MTOR: variants seen among roughly 807,000 people sequenced by gnomAD.
MTOR encodes mechanistic target of rapamycin kinase, also known as serine/threonine-protein kinase mTOR.
A neutral mutation model predicts 319.8 loss-of-function variants in MTOR; 70 were observed. That is an observed-to-expected ratio of 0.22 (90% CI 0.18 to 0.27). MTOR has a LOEUF of 0.27. Among genes scored for constraint, MTOR ranks in the 10% least tolerant of loss-of-function variants. The pLI is 1.00. For synonymous variants in MTOR, 1,183 were observed against 1,211.4 expected (o/e 0.98, Z 0.49); for missense variants, 1,890 against 3,274.4 (o/e 0.58, Z 10.32).
chr1:11,239,042 G>A (rs1047726820), intron 11 of MTOR, among the ~76,000 whole-genome samples: 1 of 151,784 alleles, frequency 6.6e-6, no homozygotes, highest in East Asian at 1.9e-4. Flanking sequence ...CCAAAGTGCT[G>A]GGATTATAGG....
intron 47 of MTOR, 79 bp from the exon 48 acceptor site, chr1:11,122,205 T>G (rs1282308309): frequency 1.4e-6 from 2 of 1,410,042 alleles, no homozygotes; most frequent in Non-Finnish European, 1.9e-6. Flanking sequence ...AGGCAGACTG[T>G]TTTTTTTTTC....
At chr1:11,205,513 C>T (rs1236404227) in intron 25 of MTOR, among the ~76,000 whole-genome samples, 1 of 152,216 alleles carries the variant, frequency 6.6e-6, no homozygotes, top group African/African-American at 2.4e-5. Context: ...GAATTTATAA[C>T]AGTGCTTGGC....
chr1:11,155,086 T>C (rs1024204766), intron 30 of MTOR, among the ~76,000 whole-genome samples: 1 of 152,204 alleles, frequency 6.6e-6, no homozygotes, highest in Non-Finnish European at 1.5e-5. Flanking sequence ...TGAAAGATCA[T>C]TCTTTTAGAA....
chr1:11,119,956 G>A (rs1165342694), intron 49 of MTOR, among the ~76,000 whole-genome samples: 2 of 150,530 alleles, frequency 1.3e-5, no homozygotes, highest in African/African-American at 2.4e-5. Context: ...TAGGCCGGGC[G>A]TGGTGGCTCA....
At chr1:11,259,527 G>A (rs1005105810) in intron 1 of MTOR, 104 bp from the exon 2 acceptor site, 1 of 1,293,086 alleles carries the variant, frequency 7.7e-7, no homozygotes, top group Non-Finnish European at 1.0e-6. Flanking sequence ...GCCCTTGTCA[G>A]GCAGGGGATT....
intron 24 of MTOR, 70 bp from the exon 25 acceptor site, chr1:11,209,528 A>C: frequency 6.3e-7 from 1 of 1,583,090 alleles, no homozygotes; most frequent in East Asian, 2.2e-5. Flanking sequence ...AATATCCTTA[A>C]ATTTTGGGAG....
intron 54 of MTOR, among the ~76,000 whole-genome samples, 191 bp downstream of exon 54, chr1:11,112,661 G>C (rs1029483559): frequency 7.2e-5 from 11 of 152,102 alleles, no homozygotes; most frequent in Non-Finnish European, 2.9e-5. Flanking sequence ...TGGACAAGGG[G>C]GAGAGCCTCT....
chr1:11,253,463 C>T (rs1336666765), intron 6 of MTOR, among the ~76,000 whole-genome samples: 1 of 152,138 alleles, frequency 6.6e-6, no homozygotes, highest in Non-Finnish European at 1.5e-5. Context: ...CCCTTGCTCC[C>T]GGTACACCAG....
At chr1:11,201,864 G>A (rs145265886) in intron 26 of MTOR, among the ~76,000 whole-genome samples, 1,749 of 152,210 alleles carry the variant, frequency 0.011, 23 homozygotes, top group Non-Finnish European at 0.014. Flanking sequence ...TGGAATGCAG[G>A]GGCACGATTG....
In MTOR at chr1:11,133,305, A is replaced by T. The variant is rs1028155156; in HGVS notation, c.5247-108T>A. ...TGAAGCCCTTCTGGTATTTCCTCTT[A>T]TTCTCAAGAGGCAATGTGAAGGAGC... On this transcript the variant is annotated intron_variant, in intron 37 of 57. Transcript: ENST00000361445. This position sits in a 1 kb window ranked among gnomAD's most constrained non-coding sequence, Gnocchi z 4.0. 1 of 986,560 alleles carries T rather than the reference A, an allele frequency of 1.0e-6. No individual in the cohort carries two copies. The highest frequency in any genetic ancestry group is 1.6e-6 in the Non-Finnish European group (1 of 640,984). The allele number at this position is 986,560 out of a possible 1,614,324, so 61.1% of individuals were successfully genotyped here.
At chr1:11,240,899 T>C (rs1647915656) in intron 10 of MTOR, among the ~76,000 whole-genome samples, 1 of 151,996 alleles carries the variant, frequency 6.6e-6, no homozygotes, top group South Asian at 2.1e-4. Context: ...AATAATAATA[T>C]ACACAATATT....
chr1:11,191,552 G>A (rs1045392311), intron 28 of MTOR, among the ~76,000 whole-genome samples: 1 of 152,040 alleles, frequency 6.6e-6, no homozygotes, highest in Non-Finnish European at 1.5e-5. Context: ...ATCAGAAAAG[G>A]CTGTCTCTTC....
chr1:11,163,097 A>G (rs1475806195), intron 29 of MTOR, among the ~76,000 whole-genome samples: 2 of 152,228 alleles, frequency 1.3e-5, no homozygotes. Context: ...AAGATCTACC[A>G]AGCAAATGGA....
intron 28 of MTOR, among the ~76,000 whole-genome samples, chr1:11,170,986 G>A (rs758393675): frequency 1.3e-5 from 2 of 151,774 alleles, no homozygotes; most frequent in Non-Finnish European, 2.9e-5. Flanking sequence ...CATGAGGTCA[G>A]GAGTTCGAGA....
At chr1:11,229,058 A>G (rs936748279) in intron 18 of MTOR, 140 bp from the exon 19 acceptor site, 2 of 1,122,428 alleles carry the variant, frequency 1.8e-6, no homozygotes, top group African/African-American at 3.1e-5. Context: ...CACTGTTGGG[A>G]GTTCAAGGTC....
rs761694480 is a variant in MTOR, at chr1:11,199,515, A to G, written c.4107+26T>C. 3.7e-6 allele frequency: 6 copies of G among 1,613,988 alleles called. No homozygotes were observed. The African/African-American group carries it at 4.0e-5, about 11-fold the overall frequency. ...ACCAGCTGGTTCCCTGTCAGCCTCC[A>G]TCTGGACAATGGGGAAAAGTCTCAC... On this transcript the variant is annotated intron_variant, in intron 27 of 57. Transcript: ENST00000361445. This position sits in a 1 kb window ranked among gnomAD's most constrained non-coding sequence, Gnocchi z 4.5.
At chr1:11,159,661 T>C (rs1644415332) in intron 29 of MTOR, among the ~76,000 whole-genome samples, 1 of 151,166 alleles carries the variant, frequency 6.6e-6, no homozygotes, top group South Asian at 2.1e-4. Context: ...AAAAAGATAA[T>C]ATGTGCTAAA....
At chr1:11,233,343 G>T in intron 15 of MTOR, 55 bp downstream of exon 15, 1 of 1,494,340 alleles carries the variant, frequency 6.7e-7, no homozygotes, top group Non-Finnish European at 9.3e-7. Flanking sequence ...CTTCCTTAGA[G>T]GTTAGTTTCT....
intron 34 of MTOR, among the ~76,000 whole-genome samples, chr1:11,141,218 C>T (rs553499075): frequency 3.3e-5 from 5 of 152,188 alleles, no homozygotes; most frequent in East Asian, 1.9e-4. Context: ...CAGGTTCAAG[C>T]GATCCTCCCG....
Sources: allele counts gnomAD v4.1 joint callset (sites outside exome capture counted in the v4.1 genomes callset), GRCh38; gene constraint gnomAD v4.1.1; non-coding constraint Gnocchi (gnomAD v3.1); transcripts MANE v1.5; gene names NCBI Gene and HGNC (gene_info 2026-07-23, HGNC 2026-07-21).